Variants in RALYL observed in about 807,000 individuals in gnomAD.
The protein encoded by RALYL is RNA-binding Raly-like protein.
In RALYL, 29 loss-of-function variants were observed where a neutral mutation model predicts 35.1. The ratio of observed to expected loss-of-function variants is 0.83; its 90% CI spans 0.61 to 1.13. The LOEUF (loss-of-function observed/expected upper bound fraction) is 1.13. Ranked by LOEUF, RALYL falls within the 50% of genes most tolerant of loss-of-function variation. The pLI, the probability that RALYL is intolerant of heterozygous loss-of-function variation, is 0.00. For missense variants in RALYL, 359 were observed against 360.4 expected (o/e 1.00, Z 0.03); for synonymous variants, 120 against 127.6 (o/e 0.94, Z 0.40).
At chr8:84,196,557 C>G (rs540037741) in intron 1 of RALYL, among the ~76,000 whole-genome samples, 1 of 152,020 alleles carries the variant, frequency 6.6e-6, no homozygotes, top group Non-Finnish European at 1.5e-5. Context: ...TGTGCTAAGT[C>G]TTTGATATCT....
intron 1 of RALYL, among the ~76,000 whole-genome samples, chr8:84,409,051 C>T (rs1187427608): frequency 4.0e-5 from 6 of 151,772 alleles, no homozygotes; most frequent in South Asian, 2.1e-4. Context: ...AATTATGTGA[C>T]GAGGAAAGAA....
chr8:84,893,041 A>G (rs984173267), intron 8 of RALYL, among the ~76,000 whole-genome samples: 1 of 152,244 alleles, frequency 6.6e-6, no homozygotes, highest in African/African-American at 2.4e-5. Context: ...AAGGCCACAG[A>G]CAAAAAATAC....
intron 1 of RALYL, among the ~76,000 whole-genome samples, chr8:84,318,757 A>G (rs1286985839): frequency 6.6e-6 from 1 of 152,208 alleles, no homozygotes; most frequent in Non-Finnish European, 1.5e-5. Context: ...TGAGAGTAGG[A>G]CAAATGTAGT....
intron 1 of RALYL, among the ~76,000 whole-genome samples, chr8:84,314,944 A>G (rs1053977066): frequency 1.3e-5 from 2 of 152,224 alleles, no homozygotes; most frequent in African/African-American, 2.4e-5. Context: ...AGATAACCTC[A>G]AAGTCACTCT....
chr8:84,668,779 T>C (rs1474028665), intron 2 of RALYL, among the ~76,000 whole-genome samples: 2 of 151,946 alleles, frequency 1.3e-5, no homozygotes, highest in Admixed American at 6.6e-5. Context: ...CAAAGTAGGG[T>C]AGTTAGAGCT....
chr8:84,333,889 T>G (rs1393836189), intron 1 of RALYL, among the ~76,000 whole-genome samples: 1 of 144,096 alleles, frequency 6.9e-6, no homozygotes, highest in Non-Finnish European at 1.6e-5. Context: ...TTTTAACTTG[T>G]TTTTTTCCCC....
chr8:84,468,268 G>A (rs2133594265), intron 1 of RALYL, among the ~76,000 whole-genome samples: 1 of 152,088 alleles, frequency 6.6e-6, no homozygotes, highest in African/African-American at 2.4e-5. Flanking sequence ...GCATGATTTT[G>A]CAGCGGCTGG....
chr8:84,403,277 G>A (rs1045755937), intron 1 of RALYL, among the ~76,000 whole-genome samples: 6 of 151,862 alleles, frequency 4.0e-5, no homozygotes, highest in Non-Finnish European at 7.4e-5. Flanking sequence ...TTCTTCTAGG[G>A]TTTTTATGGT....
At chr8:84,836,934 A>G (rs565837280) in intron 4 of RALYL, among the ~76,000 whole-genome samples, 65 of 152,336 alleles carry the variant, frequency 4.3e-4, no homozygotes, top group African/African-American at 1.5e-3. Flanking sequence ...TCCATAAAAC[A>G]TATTGTCCAT....
At chr8:84,568,827 T>G (rs1308965923) in intron 2 of RALYL, among the ~76,000 whole-genome samples, 1 of 149,856 alleles carries the variant, frequency 6.7e-6, no homozygotes, top group Non-Finnish European at 1.5e-5. Context: ...TTTCATGTGT[T>G]TTTTGGCTGC....
intron 4 of RALYL, among the ~76,000 whole-genome samples, chr8:84,833,435 T>G (rs559714269): frequency 6.6e-6 from 1 of 152,086 alleles, no homozygotes; most frequent in East Asian, 1.9e-4. Context: ...GTCAGGAGTT[T>G]GAGACCAGCC....
At chr8:84,415,319 A>G (rs1191781609) in intron 1 of RALYL, among the ~76,000 whole-genome samples, 1 of 150,560 alleles carries the variant, frequency 6.6e-6, no homozygotes, top group African/African-American at 2.5e-5. Context: ...GGCTCACTGC[A>G]ACCTCCACCT....
chr8:84,235,843 T>C (rs1340158516), intron 1 of RALYL, among the ~76,000 whole-genome samples: 1 of 148,546 alleles, frequency 6.7e-6, no homozygotes, highest in African/African-American at 2.5e-5. Flanking sequence ...CTCGGCTCAC[T>C]GCAGTCTCCA....
At chr8:84,714,677 C>T (rs1025004026) in intron 2 of RALYL, among the ~76,000 whole-genome samples, 1 of 151,798 alleles carries the variant, frequency 6.6e-6, no homozygotes, top group East Asian at 1.9e-4. Context: ...TCTTAAAAAC[C>T]ATGATCTGTC....
intron 2 of RALYL, among the ~76,000 whole-genome samples, chr8:84,576,394 T>C (rs1313754924): frequency 1.3e-5 from 2 of 152,218 alleles, no homozygotes; most frequent in Non-Finnish European, 2.9e-5. Context: ...TGAGAACACA[T>C]GGCTGGAATT....
intron 5 of RALYL, among the ~76,000 whole-genome samples, chr8:84,855,725 T>C (rs1836828037): frequency 6.6e-6 from 1 of 152,262 alleles, no homozygotes; most frequent in Admixed American, 6.5e-5. Flanking sequence ...TTTTAACTTC[T>C]GCAATGTTAG....
At chr8:84,204,939 A>G (rs1001388652) in intron 1 of RALYL, among the ~76,000 whole-genome samples, 4 of 152,136 alleles carry the variant, frequency 2.6e-5, no homozygotes, top group Non-Finnish European at 4.4e-5. Flanking sequence ...CCTATTTTAT[A>G]GATGATAAAC....
At chr8:84,556,257 C>T (rs2061111938) in intron 2 of RALYL, among the ~76,000 whole-genome samples, 1 of 152,134 alleles carries the variant, frequency 6.6e-6, no homozygotes, top group Non-Finnish European at 1.5e-5. Context: ...AGATGGAAAG[C>T]ATATTAATGT....
intron 5 of RALYL, among the ~76,000 whole-genome samples, chr8:84,853,495 C>G (rs1452224165): frequency 6.6e-6 from 1 of 152,150 alleles, no homozygotes; most frequent in Non-Finnish European, 1.5e-5. Flanking sequence ...AGGTGACTCT[C>G]TACTATACAA....
Sources: gnomAD v4.1 joint callset for allele counts (sites outside exome capture counted in the v4.1 genomes callset) on GRCh38, gnomAD v4.1.1 for gene constraint, MANE v1.5 for transcripts, NCBI Gene and HGNC (gene_info 2026-07-23, HGNC 2026-07-21) for gene names.